The following VAV2 variants were observed in gnomAD, a reference collection of about 807,000 sequenced individuals.
VAV2 encodes guanine nucleotide exchange factor VAV2.
A neutral mutation model predicts 132.5 loss-of-function variants in VAV2; 67 were observed. The ratio of observed to expected loss-of-function variants is 0.51; its 90% confidence interval spans 0.42 to 0.62. The LOEUF (loss-of-function observed/expected upper bound fraction) is 0.62. VAV2 is among the 20% of genes least tolerant of loss of function. The pLI, the probability that VAV2 is intolerant of heterozygous loss-of-function variation, is 0.00. For missense variants in VAV2, 938 were observed against 1,153.6 expected, an observed-to-expected ratio of 0.81 and a Z score of 2.71; for synonymous variants, 492 against 443.5, an observed-to-expected ratio of 1.11 and a Z score of -1.37.
rs1272714390 is a variant in VAV2, at chr9:133,776,038, C to G, written c.2008G>C (p.Ala670Pro). Residue 670 changes from alanine to proline, a missense_variant, in exon 24 of 30, where the codon GCA becomes CCA. Physicochemically the swap from Ala to Pro is conservative, Grantham distance 27. Coordinates refer to ENST00000371850, the MANE Select transcript of VAV2 (RefSeq NM_001134398.2). ...RPPSREIDYT[A>P]YPWFAGNMER... ...CCACGATCCACTCACCAGGGGTATG[C>G]AGTGTAGTCGATCTCCCGGGATGGC... 6.2e-7 allele frequency: 1 copy of G among 1,612,744 alleles called. No homozygotes were observed. The highest frequency in any genetic ancestry group is 2.2e-5 in the East Asian group (1 of 44,810).
At position 133,979,599 on chromosome 9, in the gene VAV2, C is replaced by T. The variant is rs149320475; in HGVS notation, c.204+12476G>A. Among the ~76,000 whole-genome samples the T allele has an allele frequency of 3.5e-3, 536 of 152,306 alleles. 5 individuals are homozygous for T. Among genetic ancestry groups the T allele is most frequent in the African/African-American group, 0.012 (508 of 41,570 alleles). The stretch of plus-strand genomic sequence containing the variant: ...AGCAGAGACACAGAGCCCGGAGCCA[C>T]GGCCGCCGGCAGGACAGGCAGCCAG... On this transcript the variant is annotated intron_variant, in intron 1 of 29. Coordinates refer to ENST00000371850, the MANE Select transcript of VAV2 (RefSeq NM_001134398.2).
At chr9:133,817,772 C>T (rs1202918576) in intron 4 of VAV2, among the ~76,000 whole-genome samples, 3 of 152,200 alleles carry the variant, frequency 2.0e-5, no homozygotes, top group Non-Finnish European at 4.4e-5. Context: ...TTTCCATTTG[C>T]CACTTTTCAG....
rs530365894 is a variant in VAV2 at position 133,834,485 on chromosome 9, C to T, written c.381-145G>A. Reference sequence around the variant, plus strand: ...CCACTCTCTGGAAGGACACAGGGTGCGCGGACACTGATCGGAGTCACAGGA... The same window carrying T: ...CCACTCTCTGGAAGGACACAGGGTGTGCGGACACTGATCGGAGTCACAGGA... On this transcript the variant is annotated intron_variant, in intron 3 of 29. Transcript: ENST00000371850. This position sits in a 1 kb window ranked among gnomAD's most constrained non-coding sequence, Gnocchi z 5.9. 2.7e-4 allele frequency: 219 copies of T among 806,702 alleles called. No individual in the cohort carries two copies. The African/African-American group carries it at 3.2e-3, about 12-fold the overall frequency. The allele number at this position is 806,702 out of a possible 1,614,324, so 50.0% of individuals were successfully genotyped here. A position where few individuals can be genotyped will look rare whatever the true frequency, so the allele number is the denominator to read the frequency against.
At position 133,912,725 on chromosome 9, in the gene VAV2, G is replaced by T. The variant is rs973538519; in HGVS notation, c.321+26378C>A. Among the ~76,000 whole-genome samples, 1 of 152,098 alleles carries T rather than the reference G, an allele frequency of 6.6e-6. No homozygotes were observed. Among genetic ancestry groups the T allele is most frequent in the Non-Finnish European group, 1.5e-5 (1 of 68,024 alleles). ...GCAGTCACCGGTGGTTGACTATTAG[G>T]GGGGATAGTTGTGTTCTTTTATTTC... On this transcript the variant is annotated intron_variant, in intron 2 of 29. Coordinates refer to ENST00000371850, the MANE Select transcript of VAV2 (RefSeq NM_001134398.2). The surrounding 1 kb of genome is among the most constrained non-coding windows in gnomAD (Gnocchi z 4.3).
At chr9:133,948,031 T>G (rs1397075036) in intron 1 of VAV2, among the ~76,000 whole-genome samples, 1 of 152,118 alleles carries the variant, frequency 6.6e-6, no homozygotes, top group African/African-American at 2.4e-5. Context: ...CCTCAAGTGA[T>G]CCACCTGCCT....
intron 12 of VAV2, 81 bp from the exon 13 acceptor site, chr9:133,791,950 TGGGGTGTGTGTGC>T: frequency 2.9e-6 from 1 of 346,790 alleles, no homozygotes; most frequent in Non-Finnish European, 4.0e-6. Context: ...CTGTACTGGG[TGGGGTGTGTGTGC>T]ATGTGAGCGG....
intron 3 of VAV2, among the ~76,000 whole-genome samples, chr9:133,837,713 A>T (rs2993800): frequency 0.11 from 14,473 of 136,332 alleles, 1,726 homozygotes; most frequent in African/African-American, 0.31. Context: ...AAAATAAATT[A>T]AAAAAAAAAA....
In VAV2 at chr9:133,782,101, G is replaced by A. The variant is rs112864210; in HGVS notation, c.1724-1391C>T. Among the ~76,000 whole-genome samples, 1,165 of 138,684 alleles carry A rather than the reference G, an allele frequency of 8.4e-3. 13 individuals carry two copies. The highest frequency in any genetic ancestry group is 0.037 in the Middle Eastern group (10 of 272). The allele number at this position is 138,684 out of a possible 152,430, so 91.0% of individuals were successfully genotyped here. Reference sequence around the variant, plus strand: ...GAAAATCAGTAATTAATAATCCGGCGGGGGCGGGGCGGGGGAGGAACAGAA... The same window carrying A: ...GAAAATCAGTAATTAATAATCCGGCAGGGGCGGGGCGGGGGAGGAACAGAA... On this transcript the variant is annotated intron_variant, in intron 19 of 29. Coordinates refer to ENST00000371850, the MANE Select transcript of VAV2 (RefSeq NM_001134398.2).
chr9:133,847,739 C>T (rs528875132), intron 3 of VAV2, among the ~76,000 whole-genome samples: 2 of 152,236 alleles, frequency 1.3e-5, no homozygotes, highest in East Asian at 1.9e-4. Context: ...AAAATGGGGG[C>T]GAAAATCTCT....
chr9:133,799,410 C>G (rs1202888082), intron 9 of VAV2, among the ~76,000 whole-genome samples: 1 of 152,212 alleles, frequency 6.6e-6, no homozygotes, highest in Non-Finnish European at 1.5e-5. Context: ...AGGGACACCT[C>G]TGGCATGCGA....
At chr9:133,981,144 G>A (rs140397861) in intron 1 of VAV2, among the ~76,000 whole-genome samples, 1 of 152,122 alleles carries the variant, frequency 6.6e-6, no homozygotes, top group African/African-American at 2.4e-5. Flanking sequence ...TCAGCGTCCC[G>A]TGTTGCCAGC....
chr9:133,787,115 G>C (rs1164070297), intron 16 of VAV2, 131 bp downstream of exon 16: 55 of 1,004,684 alleles, frequency 5.5e-5, no homozygotes. Context: ...AAAGGGAGTG[G>C]AGGACGAAGG....
At chr9:133,806,485 G>A (rs73553944) in intron 8 of VAV2, among the ~76,000 whole-genome samples, 8,019 of 152,248 alleles carry the variant, frequency 0.053, 734 homozygotes, top group African/African-American at 0.18. Flanking sequence ...GCGGCACAGC[G>A]CAGTACTCCT....
chr9:133,962,148 G>A (rs1375025198), intron 1 of VAV2, among the ~76,000 whole-genome samples: 1 of 152,128 alleles, frequency 6.6e-6, no homozygotes, highest in African/African-American at 2.4e-5. Flanking sequence ...GCTCCTCTAT[G>A]GGACCCTCCT....
intron 20 of VAV2, 109 bp downstream of exon 20, chr9:133,780,585 T>C: frequency 8.1e-7 from 1 of 1,235,682 alleles, no homozygotes. Context: ...TCCAAGCCGG[T>C]GTGGCCCCAT....
intron 3 of VAV2, among the ~76,000 whole-genome samples, chr9:133,849,790 C>G (rs1245100275): frequency 6.6e-6 from 1 of 152,164 alleles, no homozygotes; most frequent in East Asian, 1.9e-4. Flanking sequence ...CGATCCTCTC[C>G]TCTTCTCCCT....
chr9:133,869,312 CAA>C (rs1360599190), intron 2 of VAV2, among the ~76,000 whole-genome samples: 1 of 152,004 alleles, frequency 6.6e-6, no homozygotes, highest in Non-Finnish European at 1.5e-5. Flanking sequence ...ACGACAACAA[CAA>C]AGTCTTTAAG....
intron 23 of VAV2, 57 bp from the exon 24 acceptor site, chr9:133,776,137 C>A: frequency 6.3e-7 from 1 of 1,593,828 alleles, no homozygotes; most frequent in Non-Finnish European, 8.6e-7. Context: ...CAGAGCAGGG[C>A]TCAGAGGGGG....
intron 9 of VAV2, 59 bp from the exon 10 acceptor site, chr9:133,797,868 C>T: frequency 6.6e-7 from 1 of 1,519,354 alleles, no homozygotes; most frequent in East Asian, 2.3e-5. Context: ...CTCGGGGCTG[C>T]AGTGAGCCCG....
Sources: allele counts gnomAD v4.1 joint callset (sites outside exome capture counted in the v4.1 genomes callset), GRCh38; gene constraint gnomAD v4.1.1; non-coding constraint Gnocchi (gnomAD v3.1); transcripts MANE v1.5; gene names NCBI Gene and HGNC (gene_info 2026-07-23, HGNC 2026-07-21).